ARSL: variants seen among roughly 807,000 people sequenced by gnomAD.
ARSL encodes arylsulfatase E (chondrodysplasia punctata 1).
In ARSL, 4 loss-of-function variants were observed where a neutral mutation model predicts 31.1. The ratio of observed to expected loss-of-function variants is 0.13; its 90% CI spans 0.06 to 0.29. The LOEUF (loss-of-function observed/expected upper bound fraction) is 0.29, where lower values mean the gene tolerates loss of function less well. Ranked by LOEUF, ARSL falls within the 10% of genes least tolerant of loss-of-function variation. The pLI is 1.00. For synonymous variants in ARSL, 198 were observed against 209.9 expected, an observed-to-expected ratio of 0.94 and a Z score of 0.49; for missense variants, 312 against 497.8, an observed-to-expected ratio of 0.63 and a Z score of 3.55.
At chrX:2,964,649 C>T (rs752450052), upstream of ARSL, 1 of 143,378 alleles carries the variant, frequency 7.0e-6, no homozygotes, top group East Asian at 2.7e-4. Flanking sequence ...ATTGCCTGTG[C>T]TGTTACACAG....
chrX:2,935,686 TCTTTTC>T (rs766353463), intron 10 of ARSL, among the ~76,000 whole-genome samples: 1,648 of 94,292 alleles, frequency 0.017, 42 homozygotes, highest in African/African-American at 0.054. Context: ...TCTTTTCTTT[TCTTTTC>T]TTTTTTTTTT....
At chrX:2,955,364 T>C in intron 4 of ARSL, 52 bp downstream of exon 4, 1 of 1,203,803 alleles carries the variant, frequency 8.3e-7, no homozygotes, top group East Asian at 3.0e-5. Context: ...AACTAGAAAC[T>C]GTGACGAATA....
chrX:2,955,557 C>G lies in ARSL; in HGVS notation c.186-20G>C. On this transcript the variant is annotated intron_variant, in intron 3 of 10. Transcript: ENST00000381134. Reference sequence around the variant, plus strand: ...GGAGTCCTATGGAGGGACAAATTAACAGCTTTACTTGTTAAAATTAGACAG... The same window carrying G: ...GGAGTCCTATGGAGGGACAAATTAAGAGCTTTACTTGTTAAAATTAGACAG... The G allele has an allele frequency of 8.3e-7, 1 of 1,209,411 alleles. No individual in the cohort carries two copies. Among genetic ancestry groups the G allele is most frequent in the East Asian group, 3.0e-5 (1 of 33,817 alleles).
chrX:2,947,942 G>A (rs902609806), intron 6 of ARSL, among the ~76,000 whole-genome samples: 2 of 111,966 alleles, frequency 1.8e-5, no homozygotes, highest in African/African-American at 6.5e-5. Context: ...GGCCAACATG[G>A]CAAAACCCAT....
intron 2 of ARSL, 31 bp downstream of exon 2, chrX:2,960,347 C>A: frequency 2.4e-6 from 2 of 825,487 alleles, no homozygotes; most frequent in South Asian, 2.2e-5. Flanking sequence ...AGAAAGGAGA[C>A]TACTAATGAG....
rs138522736 is a variant in ARSL at position 2,964,041 on chromosome X, C to T, written c.-21+183G>A. Among the ~76,000 whole-genome samples, 41 of 111,482 alleles carry T rather than the reference C, an allele frequency of 3.7e-4. No individual in the cohort carries two copies. In the East Asian group the frequency reaches 0.012, roughly 32 times the overall value. On this transcript the variant is annotated intron_variant, in intron 1 of 10. Coordinates refer to ENST00000381134, the MANE Select transcript of ARSL (RefSeq NM_000047.3). ...TCCTGCAGATTAGAAAACAGATCCC[C>T]CTTCTCCAGGAAAGAGCTGCATTCC... is the stretch of plus-strand genomic sequence containing the variant.
Position 2,949,467 on chromosome X carries a change from C to T in ARSL, c.691G>A (p.Ala231Thr). ...GCGAGGAGGAGGACGGCCGAAAGGG[C>T]TGACCAGATGACCGGCATCCACGAG... is the stretch of plus-strand genomic sequence containing the variant. ...PVSWMPVIWSALSAVLLLASS... is the reference protein window; with the variant it reads ...PVSWMPVIWSTLSAVLLLASS... The change falls in exon 6 of 11, where the codon GCC becomes ACC. Residue 231 changes from alanine to threonine, a missense_variant. Transcript: ENST00000381134. 1 of 1,211,557 alleles carries T rather than the reference C, an allele frequency of 8.3e-7. No individual in the cohort carries two copies. Among genetic ancestry groups the T allele is most frequent in the Non-Finnish European group, 1.1e-6 (1 of 895,535 alleles).
chrX:2,961,645 G>C (rs1322109118), intron 1 of ARSL, among the ~76,000 whole-genome samples: 4 of 111,784 alleles, frequency 3.6e-5, no homozygotes, highest in Non-Finnish European at 7.5e-5. Context: ...AAGATGTAAA[G>C]AATCTCTATT....
rs763538685 is a variant in ARSL, at chrX:2,945,943, T to C, written c.991+55A>G. 135 of 1,195,689 alleles carry C rather than the reference T, an allele frequency of 1.1e-4. 1 individual carries two copies. Among genetic ancestry groups the C allele is most frequent in the Non-Finnish European group, 1.5e-4 (132 of 883,021 alleles). On this transcript the variant is annotated intron_variant, in intron 7 of 10. Coordinates refer to ENST00000381134, the MANE Select transcript of ARSL (RefSeq NM_000047.3). Reference sequence around the variant, plus strand: ...TAACCTTCTCATTCTTTGTTTCCTTTCCTGCTTCTATTGCTGGAAGGGAAG... The same window carrying C: ...TAACCTTCTCATTCTTTGTTTCCTTCCCTGCTTCTATTGCTGGAAGGGAAG...
chrX:2,958,873 A>G (rs949591169), intron 2 of ARSL, among the ~76,000 whole-genome samples: 1 of 110,843 alleles, frequency 9.0e-6, no homozygotes, highest in African/African-American at 3.3e-5. Flanking sequence ...TGTAGTCCCA[A>G]CTCCTGGGAA....
chrX:2,948,040 T>C (rs1482144007), intron 6 of ARSL, among the ~76,000 whole-genome samples: 2 of 112,579 alleles, frequency 1.8e-5, no homozygotes, highest in Non-Finnish European at 3.8e-5. Context: ...AGGAATTGCT[T>C]GAACTCAGGA....
chrX:2,964,824 G>A (rs897068989), upstream of ARSL, among the ~76,000 whole-genome samples: 1 of 111,604 alleles, frequency 9.0e-6, no homozygotes, highest in Admixed American at 9.6e-5. Flanking sequence ...AAAATATTAG[G>A]CTGGGCAGTG....
chrX:2,959,897 G>C (rs2089581366), intron 2 of ARSL: 1 of 259,165 alleles, frequency 3.9e-6, no homozygotes, highest in Non-Finnish European at 6.6e-6. Flanking sequence ...CTCTATATAA[G>C]AAAGGAAAAA....
At position 2,947,557 on chromosome X, in the gene ARSL, C is replaced by A. The variant is rs747548484; in HGVS notation, c.855-1423G>T. On this transcript the variant is annotated intron_variant, in intron 6 of 10. Transcript: ENST00000381134. ...CTTCACCCGGCCTTCATGGTCTAATCTAGATCCTTGAAGCCTAAGAGCAAT... is the reference window on the plus strand; with the variant it reads ...CTTCACCCGGCCTTCATGGTCTAATATAGATCCTTGAAGCCTAAGAGCAAT... Among the ~76,000 whole-genome samples, 104 of 112,252 alleles carry A rather than the reference C, an allele frequency of 9.3e-4. 1 individual carries two copies. The highest frequency in any genetic ancestry group is 1.7e-3 in the Non-Finnish European group (90 of 53,328).
At position 2,951,893 on chromosome X, in the gene ARSL, T is replaced by TA. The variant is rs1407523602; in HGVS notation, c.430+1249dup. Reference sequence around the variant, plus strand: ...GAATTTGTTTTTTTTTTTTTTTTGGTAAAAAATTAAACAAAGAACATTTTA... The same window carrying TA: ...GAATTTGTTTTTTTTTTTTTTTTGGTAAAAAAATTAAACAAAGAACATTTTA... On this transcript the variant is annotated intron_variant, in intron 5 of 10. Coordinates refer to ENST00000381134, the MANE Select transcript of ARSL (RefSeq NM_000047.3). Among the ~76,000 whole-genome samples, 3 of 107,493 alleles carry TA rather than the reference T, an allele frequency of 2.8e-5. No homozygotes were observed. The East Asian group carries it at 8.6e-4, about 31-fold the overall frequency. The allele number at this position is 107,493 out of a possible 115,157, so 93.3% of individuals were successfully genotyped here.
At chrX:2,936,262 G>A (rs1213120167) in intron 10 of ARSL, among the ~76,000 whole-genome samples, 2 of 110,259 alleles carry the variant, frequency 1.8e-5, no homozygotes, top group African/African-American at 6.6e-5. Flanking sequence ...TTGAACCCGG[G>A]AGACTGCAGT....
At chrX:2,944,274 T>C (rs182309232) in intron 7 of ARSL, among the ~76,000 whole-genome samples, 8 of 108,585 alleles carry the variant, frequency 7.4e-5, no homozygotes, top group East Asian at 2.9e-4. Context: ...GCCAACATGG[T>C]GAAACCCCAT....
At chrX:2,951,919 T>C (rs2089469484) in intron 5 of ARSL, among the ~76,000 whole-genome samples, 1 of 109,431 alleles carries the variant, frequency 9.1e-6, no homozygotes, top group Non-Finnish European at 1.9e-5. Flanking sequence ...GAACATTTTA[T>C]AATTTTTAAT....
chrX:2,958,254 A>G lies in ARSL; in HGVS notation c.185+20T>C, dbSNP rs768507333. ...GTGTCTGCATTGGGGGCACCAGGTGAGTAATTCTCTGTCCCTTGCCTCATG... is the reference window on the plus strand; with the variant it reads ...GTGTCTGCATTGGGGGCACCAGGTGGGTAATTCTCTGTCCCTTGCCTCATG... On this transcript the variant is annotated intron_variant, in intron 3 of 10. Transcript: ENST00000381134. 1.7e-6 allele frequency: 2 copies of G among 1,210,659 alleles called. No individual in the cohort carries two copies. The highest frequency in any genetic ancestry group is 3.0e-5 in the East Asian group (1 of 33,823).
Sources: allele counts gnomAD v4.1 joint callset (sites outside exome capture counted in the v4.1 genomes callset), GRCh38; gene constraint gnomAD v4.1.1; transcripts MANE v1.5; gene names NCBI Gene and HGNC (gene_info 2026-07-23, HGNC 2026-07-21).